Variants in THEMIS2 observed in about 807,000 individuals in gnomAD.
THEMIS2 encodes the protein protein THEMIS2.
A neutral mutation model predicts 46.8 loss-of-function variants in THEMIS2; 29 were observed. The ratio of observed to expected loss-of-function variants is 0.62; its 90% CI spans 0.46 to 0.84. The LOEUF (loss-of-function observed/expected upper bound fraction) is 0.84. THEMIS2 is among the 40% of genes least tolerant of loss of function. THEMIS2 has a pLI of 0.00. For synonymous variants in THEMIS2, 335 were observed against 349.1 expected, an observed-to-expected ratio of 0.96 and a Z score of 0.45; for missense variants, 698 against 834.7, an observed-to-expected ratio of 0.84 and a Z score of 2.02.
rs2089511060 is a variant in THEMIS2, at chr1:27,872,810, G to T, written c.94+145G>T. 1 of 635,566 alleles carries T rather than the reference G, an allele frequency of 1.6e-6. No individual in the cohort carries two copies. Among genetic ancestry groups the T allele is most frequent in the Non-Finnish European group, 2.3e-6 (1 of 435,250 alleles). The allele number at this position is 635,566 out of a possible 1,614,324, so 39.4% of individuals were successfully genotyped here. A position where few individuals can be genotyped will look rare whatever the true frequency, so the allele number is the denominator to read the frequency against. ...TGGCCAAGCTGTGTGATTTGGGGCC[G>T]CACTCAACCTCTTTGGACCTCGGCT... On this transcript the variant is annotated intron_variant, in intron 1 of 5. Coordinates refer to ENST00000373921, the MANE Select transcript of THEMIS2 (RefSeq NM_001105556.3). The surrounding 1 kb of genome is among the most constrained non-coding windows in gnomAD (Gnocchi z 4.9).
chr1:27,875,055 T>C (rs2148631463), intron 1 of THEMIS2, among the ~76,000 whole-genome samples: 1 of 152,050 alleles, frequency 6.6e-6, no homozygotes, highest in South Asian at 2.1e-4. Flanking sequence ...TTCAGCTCAC[T>C]GCAACCTCCA....
Position 27,885,361 on chromosome 1 carries a change from G to A in THEMIS2, c.1786G>A (p.Glu596Lys), listed in dbSNP as rs2089752017. 10 of 1,614,098 alleles carry A rather than the reference G, an allele frequency of 6.2e-6. No individual in the cohort carries two copies. Among genetic ancestry groups the A allele is most frequent in the Non-Finnish European group, 7.6e-6 (9 of 1,180,044 alleles). ...LPKPKAKTLP[E>K]FIKDGSSTYS... ...CAAACCCAAGGCGAAGACCTTGCCA[G>A]AGTTCATCAAGGATGGCTCCAGTAC... is the stretch of plus-strand genomic sequence containing the variant. Residue 596 changes from glutamate to lysine, a missense_variant, in exon 5 of 6, where the codon GAG becomes AAG. Coordinates refer to ENST00000373921, the MANE Select transcript of THEMIS2 (RefSeq NM_001105556.3).
rs139829655 is a variant in THEMIS2, at chr1:27,880,022, G to A, written c.614G>A (p.Arg205Gln). 2.6e-4 allele frequency: 422 copies of A among 1,607,602 alleles called. No individual in the cohort carries two copies. The highest frequency in any genetic ancestry group is 1.8e-3 in the Middle Eastern group (11 of 6,032). Reference sequence around the variant, plus strand: ...CTGCCCTGGCATTCCCTGATCCTGCGGCCCCAGTATGAGATCCAAGCCATC... The same window carrying A: ...CTGCCCTGGCATTCCCTGATCCTGCAGCCCCAGTATGAGATCCAAGCCATC... ...PTLPWHSLILRPQYEIQAIMH... is the reference protein window; with the variant it reads ...PTLPWHSLILQPQYEIQAIMH... Residue 205 changes from arginine to glutamine, a missense_variant, in exon 3 of 6, where the codon CGG becomes CAG. By Grantham distance (43) the Arg-to-Gln change is conservative (BLOSUM62 1). Transcript: ENST00000373921.
In THEMIS2 at chr1:27,872,710, G is replaced by A. The variant is rs950132826; in HGVS notation, c.94+45G>A. On this transcript the variant is annotated intron_variant, in intron 1 of 5. Coordinates refer to ENST00000373921, the MANE Select transcript of THEMIS2 (RefSeq NM_001105556.3). This position sits in a 1 kb window ranked among gnomAD's most constrained non-coding sequence, Gnocchi z 4.9. ...CCTCCGAGCACTCCCTTGGTGTGGGGCGGGGGCAGAGACCCGGAGAAGACG... is the reference window on the plus strand; with the variant it reads ...CCTCCGAGCACTCCCTTGGTGTGGGACGGGGGCAGAGACCCGGAGAAGACG... 4.0e-6 allele frequency: 5 copies of A among 1,249,974 alleles called. No individual in the cohort carries two copies. The East Asian group carries it at 1.3e-4, about 32-fold the overall frequency. The allele number at this position is 1,249,974 out of a possible 1,614,324, so 77.4% of individuals were successfully genotyped here.
chr1:27,882,134 G>A lies in THEMIS2; in HGVS notation c.810G>A (p.Glu270=), dbSNP rs781227320. 1.2e-6 allele frequency: 2 copies of A among 1,614,078 alleles called. No homozygotes were observed. The highest frequency in any genetic ancestry group is 1.7e-6 in the Non-Finnish European group (2 of 1,180,032). The change falls in exon 4 of 6, where the codon GAG becomes GAA. Residue 270 remains glutamate, a synonymous_variant. Coordinates refer to ENST00000373921, the MANE Select transcript of THEMIS2 (RefSeq NM_001105556.3). The surrounding 1 kb of genome is among the most constrained non-coding windows in gnomAD (Gnocchi z 7.6). ...PLSMEILEVP[E]GRPIFLSPWV... ...CCATGGAGATCCTGGAGGTTCCTGA[G>A]GGCCGCCCCATCTTCCTCAGCCCGT...
At chr1:27,881,038 C>T (rs2089669555) in intron 3 of THEMIS2, among the ~76,000 whole-genome samples, 1 of 151,884 alleles carries the variant, frequency 6.6e-6, no homozygotes, top group African/African-American at 2.4e-5. Context: ...CCTCGGCCTC[C>T]CAGAGTGCTG....
At position 27,882,956 on chromosome 1, in the gene THEMIS2, C is replaced by T; in HGVS notation, c.1632C>T (p.Ala544=). Residue 544 remains alanine, a synonymous_variant, in exon 4 of 6, where the codon GCC becomes GCT. Transcript: ENST00000373921. The surrounding 1 kb of genome is among the most constrained non-coding windows in gnomAD (Gnocchi z 7.6). ...TFYYRLRKLP[A]CEIQAPPPRP... ...ATTATCGTCTTCGGAAGTTACCAGC[C>T]TGTGAGATCCAAGCCCCCCCACCCA... 2 of 1,613,802 alleles carry T rather than the reference C, an allele frequency of 1.2e-6. No homozygotes were observed. The highest frequency in any genetic ancestry group is 3.3e-5 in the Admixed American group (2 of 59,956).
chr1:27,882,366 C>T lies in THEMIS2; in HGVS notation c.1042C>T (p.Arg348Trp), dbSNP rs757088513. 12 of 1,588,424 alleles carry T rather than the reference C, an allele frequency of 7.6e-6. No individual in the cohort carries two copies. Among genetic ancestry groups the T allele is most frequent in the African/African-American group, 1.3e-5 (1 of 74,338 alleles). The change falls in exon 4 of 6, where the codon CGG becomes TGG. Residue 348 changes from arginine (R) to tryptophan (W), a missense_variant. Physicochemically the swap from Arg to Trp is moderately radical, Grantham distance 101 (BLOSUM62 -3). Transcript: ENST00000373921. This position sits in a 1 kb window ranked among gnomAD's most constrained non-coding sequence, Gnocchi z 7.6. The part of the protein sequence containing the change: ...LGAFQPGRPL[R>W]VVATKDCEGE... ...TGCTTTCCAGCCAGGCCGGCCACTCCGGGTGGTGGCCACAAAGGACTGTGA... is the reference window on the plus strand; with the variant it reads ...TGCTTTCCAGCCAGGCCGGCCACTCTGGGTGGTGGCCACAAAGGACTGTGA...
Position 27,882,181 on chromosome 1 carries a change from G to GC in THEMIS2, c.859dup (p.Gln287ProfsTer50). 1 of 1,614,026 alleles carries GC rather than the reference G, an allele frequency of 6.2e-7. No homozygotes were observed. The highest frequency in any genetic ancestry group is 8.5e-7 in the Non-Finnish European group (1 of 1,179,946). Reference sequence around the variant, plus strand: ...CCGTGGGTGGGCTCCTTGCAAAAAGGCCAGAGGCTTTGCGTCTATGGCCTA... The same window carrying GC: ...CCGTGGGTGGGCTCCTTGCAAAAAGGCCCAGAGGCTTTGCGTCTATGGCCTA... On this transcript the variant is annotated frameshift_variant, in exon 4 of 6. Transcript: ENST00000373921. LOFTEE classifies it high-confidence loss of function. This position sits in a 1 kb window ranked among gnomAD's most constrained non-coding sequence, Gnocchi z 7.6.
At position 27,879,834 on chromosome 1, in the gene THEMIS2, C is replaced by T. The variant is rs1423232327; in HGVS notation, c.426C>T (p.Arg142=). The T allele has an allele frequency of 1.9e-6, 3 of 1,613,622 alleles. No homozygotes were observed. The highest frequency in any genetic ancestry group is 2.2e-5 in the East Asian group (1 of 44,862). ...LEAVVMHLGI[R]SARCVLGMEG... ...CTGTGGTGATGCACCTCGGGATCCG[C>T]TCTGCCCGCTGTGTCCTGGGCATGG... Residue 142 remains arginine, a synonymous_variant, in exon 3 of 6, where the codon CGC becomes CGT. Transcript: ENST00000373921.
At chr1:27,875,152 T>A (rs188562758) in intron 1 of THEMIS2, among the ~76,000 whole-genome samples, 9 of 152,238 alleles carry the variant, frequency 5.9e-5, no homozygotes, top group Non-Finnish European at 1.2e-4. Context: ...CTAATTTTTG[T>A]ATTTTTAGTA....
intron 5 of THEMIS2, 129 bp downstream of exon 5, chr1:27,885,580 C>G (rs2089756621): frequency 2.4e-6 from 3 of 1,233,444 alleles, no homozygotes; most frequent in Admixed American, 2.8e-5. Flanking sequence ...GGACAGGCCT[C>G]TATGGGGTGG....
chr1:27,876,585 C>A lies in THEMIS2; in HGVS notation c.95-3C>A. The A allele has an allele frequency of 6.2e-7, 1 of 1,613,356 alleles. No homozygotes were observed. The highest frequency in any genetic ancestry group is 1.1e-5 in the South Asian group (1 of 90,946). On this transcript the variant is annotated splice_region_variant and splice_polypyrimidine_tract_variant and intron_variant, in intron 1 of 5. Transcript: ENST00000373921. ...TGGGGAAATGGAGTCCTTGTCTCCG[C>A]AGGCTCCATCTATGAGATCTCTGGG...
chr1:27,879,068 T>G (rs2089634108), intron 2 of THEMIS2, among the ~76,000 whole-genome samples: 1 of 151,606 alleles, frequency 6.6e-6, no homozygotes, highest in South Asian at 2.1e-4. Flanking sequence ...AGCGGTATCA[T>G]GTCTGGAAGC....
At chr1:27,880,367 G>C (rs900369740) in intron 3 of THEMIS2, among the ~76,000 whole-genome samples, 5 of 151,940 alleles carry the variant, frequency 3.3e-5, no homozygotes, top group African/African-American at 1.2e-4. Flanking sequence ...TGTATTTTTA[G>C]TAGAAACGGA....
Position 27,886,262 on chromosome 1 carries a change from G to T in THEMIS2, c.*340G>T. 2.9e-6 allele frequency: 1 copy of T among 349,726 alleles called. No individual in the cohort carries two copies. The highest frequency in any genetic ancestry group is 3.1e-5 in the South Asian group (1 of 32,434). The allele number at this position is 349,726 out of a possible 1,614,324, so 21.7% of individuals were successfully genotyped here. A position where few individuals can be genotyped will look rare whatever the true frequency, so the allele number is the denominator to read the frequency against. The stretch of plus-strand genomic sequence containing the variant: ...AGGGGAATCCGAGGCCATCAACCTT[G>T]GTGACAGCAGCGCAGTGCCAATGCT... On this transcript the variant is annotated 3_prime_UTR_variant, in exon 6 of 6. Transcript: ENST00000373921.
At chr1:27,873,183 C>T (rs2089518333) in intron 1 of THEMIS2, among the ~76,000 whole-genome samples, 1 of 152,190 alleles carries the variant, frequency 6.6e-6, no homozygotes, top group Non-Finnish European at 1.5e-5. Context: ...TTAAATGGCG[C>T]TTCCTCCCGG....
rs775192136 is a variant in THEMIS2 at position 27,883,085 on chromosome 1, G to A, written c.1719+42G>A. 1.5e-5 allele frequency: 22 copies of A among 1,506,554 alleles called. No individual in the cohort carries two copies. The Admixed American group carries it at 4.2e-4, about 28-fold the overall frequency. 93.3% of individuals were successfully genotyped at this position (1,506,554 alleles called of 1,614,324 possible). ...AGAGGGCACGGAGGGGTCACCTATT[G>A]GGATCACTGCTTCTTTGTCATGTCT... On this transcript the variant is annotated intron_variant, in intron 4 of 5. Coordinates refer to ENST00000373921, the MANE Select transcript of THEMIS2 (RefSeq NM_001105556.3).
At chr1:27,879,621 C>G in intron 2 of THEMIS2, 23 bp from the exon 3 acceptor site, 1 of 1,557,836 alleles carries the variant, frequency 6.4e-7, no homozygotes, top group Non-Finnish European at 8.7e-7. Flanking sequence ...AGTGACCTGC[C>G]TGCTCTCTGC....
Sources: allele counts gnomAD v4.1 joint callset (sites outside exome capture counted in the v4.1 genomes callset), GRCh38; gene constraint gnomAD v4.1.1; non-coding constraint Gnocchi (gnomAD v3.1); transcripts MANE v1.5; gene names NCBI Gene and HGNC (gene_info 2026-07-23, HGNC 2026-07-21).